The following MIGA2 variants were observed in gnomAD, a reference collection of about 807,000 sequenced individuals.
MIGA2 encodes family with sequence similarity 73, member B.
MIGA2 carries 36 observed loss-of-function variants against 69.9 expected under a neutral mutation model. The ratio of observed to expected loss-of-function variants is 0.52; its 90% CI spans 0.39 to 0.68. MIGA2 has a LOEUF of 0.68. Among genes scored for constraint, MIGA2 ranks in the 30% least tolerant of loss-of-function variants. MIGA2 has a pLI of 0.00. For synonymous variants in MIGA2, 333 were observed against 349.2 expected (o/e 0.95, Z 0.52); for missense variants, 660 against 787.7 (o/e 0.84, Z 1.94).
chr9:129,059,939 T>C lies in MIGA2; in HGVS notation c.794-611T>C, dbSNP rs540236653. Among the ~76,000 whole-genome samples the C allele has an allele frequency of 1.3e-5, 2 of 152,202 alleles. No individual in the cohort carries two copies. Among genetic ancestry groups the C allele is most frequent in the African/African-American group, 4.8e-5 (2 of 41,542 alleles). Reference sequence around the variant, plus strand: ...TCTCCCCACGTGCTCTGGGTGTGGTTTCTCTGTTGGAGGAATCTGCCTCCT... The same window carrying C: ...TCTCCCCACGTGCTCTGGGTGTGGTCTCTCTGTTGGAGGAATCTGCCTCCT... On this transcript the variant is annotated intron_variant, in intron 7 of 15. Transcript: ENST00000684074. The surrounding 1 kb of genome is among the most constrained non-coding windows in gnomAD (Gnocchi z 5.6).
chr9:129,041,214 A>G (rs1157677595), intron 2 of MIGA2, among the ~76,000 whole-genome samples: 1 of 152,230 alleles, frequency 6.6e-6, no homozygotes, highest in African/African-American at 2.4e-5. Context: ...GTGCACCTGT[A>G]GTCCCAGCTA....
In MIGA2 at chr9:129,063,190, G is replaced by T. The variant is rs17508363; in HGVS notation, c.1011-54G>T. 2.5e-6 allele frequency: 4 copies of T among 1,597,154 alleles called. No homozygotes were observed. In the South Asian group the frequency reaches 4.4e-5, roughly 18 times the overall value. On this transcript the variant is annotated intron_variant, in intron 9 of 15. Transcript: ENST00000684074. Reference sequence around the variant, plus strand: ...CCACCCAGGTGCCACCTGACCCCCCGGGGCATCGCTGGGCAGGGACCAGGT... The same window carrying T: ...CCACCCAGGTGCCACCTGACCCCCCTGGGCATCGCTGGGCAGGGACCAGGT...
chr9:129,068,955 C>T lies in MIGA2; in HGVS notation c.1405-121C>T. ...GCAGCAGAGCTTAGGCACCTGGCCC[C>T]ATCTTCCTGCTTGGAGTGGGGTGAG... On this transcript the variant is annotated intron_variant, in intron 13 of 15. Coordinates refer to ENST00000684074, the MANE Select transcript of MIGA2 (RefSeq NM_001329990.2). The surrounding 1 kb of genome is among the most constrained non-coding windows in gnomAD (Gnocchi z 4.1). The T allele has an allele frequency of 9.0e-7, 1 of 1,110,890 alleles. No homozygotes were observed. The highest frequency in any genetic ancestry group is 1.4e-6 in the Non-Finnish European group (1 of 731,176). 68.8% of individuals were successfully genotyped at this position (1,110,890 alleles called of 1,614,324 possible). A position where few individuals can be genotyped will look rare whatever the true frequency, so the allele number is the denominator to read the frequency against.
Position 129,059,358 on chromosome 9 carries a change from C to T in MIGA2, c.793+87C>T, listed in dbSNP as rs1845950113. 9.9e-7 allele frequency: 1 copy of T among 1,007,278 alleles called. No homozygotes were observed. Among genetic ancestry groups the T allele is most frequent in the Non-Finnish European group, 1.5e-6 (1 of 667,944 alleles). 62.4% of individuals were successfully genotyped at this position (1,007,278 alleles called of 1,614,324 possible). A position where few individuals can be genotyped will look rare whatever the true frequency, so the allele number is the denominator to read the frequency against. On this transcript the variant is annotated intron_variant, in intron 7 of 15. Coordinates refer to ENST00000684074, the MANE Select transcript of MIGA2 (RefSeq NM_001329990.2). The surrounding 1 kb of genome is among the most constrained non-coding windows in gnomAD (Gnocchi z 5.6). ...AAGTTGCGAGAACCGGGTCGTGGTT[C>T]TCTCAGTGCGTCCAATGAATCAGAA...
At position 129,068,462 on chromosome 9, in the gene MIGA2, G is replaced by T; in HGVS notation, c.1404+130G>T. 1.5e-6 allele frequency: 2 copies of T among 1,324,560 alleles called. No homozygotes were observed. The highest frequency in any genetic ancestry group is 2.3e-5 in the Admixed American group (1 of 44,108). 82.1% of individuals were successfully genotyped at this position (1,324,560 alleles called of 1,614,324 possible). On this transcript the variant is annotated intron_variant, in intron 13 of 15. Transcript: ENST00000684074. The surrounding 1 kb of genome is among the most constrained non-coding windows in gnomAD (Gnocchi z 4.1). ...CCACCCCCTAGATCCGCGGCTGCCA[G>T]GCCTGGGAGACCAGAGTCTGCCCTG...
At chr9:129,039,028 C>A (rs1202952982) in intron 1 of MIGA2, among the ~76,000 whole-genome samples, 1 of 151,538 alleles carries the variant, frequency 6.6e-6, no homozygotes, top group East Asian at 1.9e-4. Flanking sequence ...GTCCTGACTT[C>A]AGGTGATCCG....
In MIGA2 at chr9:129,064,505, C is replaced by A. The variant is rs1422975301; in HGVS notation, c.1170+874C>A. ...TACAGGCATGAGCCACCGTGCCTGGCCTTTTTTTTTTTTTTTCTTTAATGG... is the reference window on the plus strand; with the variant it reads ...TACAGGCATGAGCCACCGTGCCTGGACTTTTTTTTTTTTTTTCTTTAATGG... On this transcript the variant is annotated intron_variant, in intron 11 of 15. Coordinates refer to ENST00000684074, the MANE Select transcript of MIGA2 (RefSeq NM_001329990.2). Among the ~76,000 whole-genome samples, 3 of 150,272 alleles carry A rather than the reference C, an allele frequency of 2.0e-5. No individual in the cohort carries two copies. The East Asian group carries it at 5.8e-4, about 29-fold the overall frequency.
rs909935973 is a variant in MIGA2 at position 129,060,905 on chromosome 9, C to G, written c.894+255C>G. ...GTGCTGGCCTTTCCCTTCTCCAGAC[C>G]GCTGTGCCCATTGTTTGGCCTCAGT... On this transcript the variant is annotated intron_variant, in intron 8 of 15. Coordinates refer to ENST00000684074, the MANE Select transcript of MIGA2 (RefSeq NM_001329990.2). This position sits in a 1 kb window ranked among gnomAD's most constrained non-coding sequence, Gnocchi z 4.8. 6.6e-6 allele frequency among the ~76,000 whole-genome samples: 1 copy of G among 152,240 alleles called. No individual in the cohort carries two copies. The highest frequency in any genetic ancestry group is 2.4e-5 in the African/African-American group (1 of 41,468).
chr9:129,049,543 A>T (rs1442964771), intron 5 of MIGA2, 45 bp downstream of exon 5: 3 of 1,579,556 alleles, frequency 1.9e-6, no homozygotes, highest in South Asian at 1.1e-5. Context: ...GGTGGGTGGC[A>T]GGAACAGTCC....
chr9:129,049,518 C>T lies in MIGA2; in HGVS notation c.538+20C>T, dbSNP rs763884751. On this transcript the variant is annotated intron_variant, in intron 5 of 15. Coordinates refer to ENST00000684074, the MANE Select transcript of MIGA2 (RefSeq NM_001329990.2). ...TGCAAGGTGTGGCCAGGAGGTGCCT[C>T]AGCTTCGAGGGCAGGGTGGGTGGCA... 44 of 1,608,888 alleles carry T rather than the reference C, an allele frequency of 2.7e-5. No individual in the cohort carries two copies. The highest frequency in any genetic ancestry group is 3.6e-5 in the Non-Finnish European group (42 of 1,176,494).
intron 9 of MIGA2, 58 bp from the exon 10 acceptor site, chr9:129,063,186 C>T (rs1052910266): frequency 1.3e-6 from 2 of 1,591,904 alleles, no homozygotes; most frequent in Non-Finnish European, 8.6e-7. Flanking sequence ...CCACCTGACC[C>T]CCCGGGGCAT....
intron 3 of MIGA2, among the ~76,000 whole-genome samples, chr9:129,045,441 CAAAA>C (rs766649271): frequency 4.0e-4 from 8 of 20,054 alleles, no homozygotes; most frequent in South Asian, 1.5e-3. Flanking sequence ...GACTCTGTCT[CAAAA>C]AAAAAAAAAA....
chr9:129,069,161 G>A lies in MIGA2; in HGVS notation c.1458+32G>A, dbSNP rs12551404. The A allele has an allele frequency of 0.021, 33,731 of 1,613,278 alleles. 414 individuals carry two copies. Among genetic ancestry groups the A allele is most frequent in the Non-Finnish European group, 0.025 (29,269 of 1,179,804 alleles). On this transcript the variant is annotated intron_variant, in intron 14 of 15. Coordinates refer to ENST00000684074, the MANE Select transcript of MIGA2 (RefSeq NM_001329990.2). The surrounding 1 kb of genome is among the most constrained non-coding windows in gnomAD (Gnocchi z 4.9). ...GACTGGCAGGCCCGGGGGAGCACGA[G>A]CTGGGCTCTGAGGCAGCGTGGTGGG...
chr9:129,047,918 A>G (rs1173167171), intron 3 of MIGA2, among the ~76,000 whole-genome samples: 1 of 151,782 alleles, frequency 6.6e-6, no homozygotes, highest in African/African-American at 2.4e-5. Flanking sequence ...TTGTTGAGAC[A>G]GGGTTTCGCC....
intron 11 of MIGA2, among the ~76,000 whole-genome samples, chr9:129,064,693 T>C (rs1846248165): frequency 6.6e-6 from 1 of 152,092 alleles, no homozygotes; most frequent in South Asian, 2.1e-4. Context: ...CCTGTCTGGC[T>C]GAAGGGCCTG....
Position 129,068,595 on chromosome 9 carries a change from C to T in MIGA2, c.1404+263C>T, listed in dbSNP as rs766627582. 6.7e-5 allele frequency: 33 copies of T among 489,882 alleles called. No homozygotes were observed. The highest frequency in any genetic ancestry group is 9.9e-5 in the Non-Finnish European group (27 of 272,914). 30.3% of individuals were successfully genotyped at this position (489,882 alleles called of 1,614,324 possible). A position where few individuals can be genotyped will look rare whatever the true frequency, so the allele number is the denominator to read the frequency against. Reference sequence around the variant, plus strand: ...TTTTACTTTTGTGCTGGTATGAATTCGATTCCATTTTAATGCATCCTGTTA... The same window carrying T: ...TTTTACTTTTGTGCTGGTATGAATTTGATTCCATTTTAATGCATCCTGTTA... On this transcript the variant is annotated intron_variant, in intron 13 of 15. Coordinates refer to ENST00000684074, the MANE Select transcript of MIGA2 (RefSeq NM_001329990.2). This position sits in a 1 kb window ranked among gnomAD's most constrained non-coding sequence, Gnocchi z 4.1.
At chr9:129,040,314 TG>T in intron 1 of MIGA2, 137 bp from the exon 2 acceptor site, 1 of 451,614 alleles carries the variant, frequency 2.2e-6, no homozygotes, top group Non-Finnish European at 3.5e-6. Context: ...TGCAGAGGCC[TG>T]GGGCCTGATT....
intron 3 of MIGA2, among the ~76,000 whole-genome samples, chr9:129,044,695 G>A (rs1053977583): frequency 5.3e-5 from 8 of 152,040 alleles, no homozygotes; most frequent in African/African-American, 1.9e-4. Flanking sequence ...TGGAATTACA[G>A]GCATGAGCCA....
intron 1 of MIGA2, among the ~76,000 whole-genome samples, chr9:129,038,129 C>T (rs1290606667): frequency 6.6e-6 from 1 of 152,152 alleles, no homozygotes; most frequent in Non-Finnish European, 1.5e-5. Context: ...ACAGTATTAA[C>T]CTAGGTCCTG....
Sources: gnomAD v4.1 joint callset for allele counts (sites outside exome capture counted in the v4.1 genomes callset) on GRCh38, gnomAD v4.1.1 for gene constraint, Gnocchi (gnomAD v3.1) non-coding constraint, MANE v1.5 for transcripts, NCBI Gene and HGNC (gene_info 2026-07-23, HGNC 2026-07-21) for gene names.